Variants in CLASP1 observed in about 807,000 individuals in gnomAD.
CLASP1 encodes the protein CLIP-associating protein 1.
Under a neutral mutation model 192.3 loss-of-function variants are expected in CLASP1, and 38 were observed. The ratio of observed to expected loss-of-function variants is 0.20; its 90% CI spans 0.15 to 0.26. CLASP1 has a LOEUF of 0.26. CLASP1 is among the 10% of genes least tolerant of loss of function. CLASP1 has a pLI of 1.00. For synonymous variants in CLASP1, 691 were observed against 712.8 expected, an observed-to-expected ratio of 0.97 and a Z score of 0.49; for missense variants, 1,433 against 1,932.5, an observed-to-expected ratio of 0.74 and a Z score of 4.85.
intron 2 of CLASP1, chr2:121,532,596 C>G (rs1241365008): frequency 1.3e-5 from 2 of 152,178 alleles, no homozygotes; most frequent in African/African-American, 4.8e-5. Context: ...AACACCTGAC[C>G]AGTACCCCTC....
intron 1 of CLASP1, among the ~76,000 whole-genome samples, chr2:121,629,368 T>A (rs1389446979): frequency 2.6e-5 from 4 of 151,034 alleles, no homozygotes; most frequent in Admixed American, 6.6e-5. Context: ...CCAGCCTGGG[T>A]GATAAAGCGA....
chr2:121,648,722 T>C (rs1366936874), intron 1 of CLASP1, among the ~76,000 whole-genome samples: 1 of 152,128 alleles, frequency 6.6e-6, no homozygotes, highest in Non-Finnish European at 1.5e-5. Flanking sequence ...AGTTGAGAAG[T>C]CTGCACAGGC....
chr2:121,447,395 C>T (rs199977966), exon 19 of CLASP1: 14 of 1,580,364 alleles, frequency 8.9e-6, no homozygotes, highest in South Asian at 7.0e-5. Context: ...GCGTCGTGCC[C>T]GAAGATGAGG....
chr2:121,635,698 G>C (rs62151107), intron 1 of CLASP1, among the ~76,000 whole-genome samples: 18,650 of 152,164 alleles, frequency 0.12, 1,473 homozygotes, highest in Middle Eastern at 0.26. Flanking sequence ...TTAACTTCTG[G>C]AATTTCTGGA....
chr2:121,425,275 C>A lies in CLASP1; in HGVS notation c.2076G>T (p.Leu692Phe), dbSNP rs1199850610. 6.2e-7 allele frequency: 1 copy of A among 1,612,418 alleles called. No homozygotes were observed. Among genetic ancestry groups the A allele is most frequent in the African/African-American group, 1.3e-5 (1 of 74,948 alleles). The change falls in exon 22 of 40, where the codon TTG (leucine) becomes TTT (phenylalanine). Residue 692 changes from leucine to phenylalanine, a missense_variant. Physicochemically the swap from Leu to Phe is conservative, Grantham distance 22. Coordinates refer to ENST00000263710, the Ensembl canonical transcript of CLASP1. Reference sequence around the variant, plus strand: ...TAAGTCCACCATAACCACTTCCCAACAATTTTCCTGGGGAACTTGACCGGC... The same window carrying A: ...TAAGTCCACCATAACCACTTCCCAAAAATTTTCCTGGGGAACTTGACCGGC...
chr2:121,371,902 T>C (rs931252316), intron 34 of CLASP1, among the ~76,000 whole-genome samples: 14 of 152,214 alleles, frequency 9.2e-5, no homozygotes, highest in Admixed American at 2.6e-4. Context: ...CTCTCCAGTT[T>C]GTTCCTCAAC....
intron 32 of CLASP1, among the ~76,000 whole-genome samples, chr2:121,382,737 A>G (rs1223780544): frequency 6.6e-6 from 1 of 152,184 alleles, no homozygotes; most frequent in Non-Finnish European, 1.5e-5. Context: ...AGAACCAAAG[A>G]AGAATCATGG....
At chr2:121,488,938 A>T (rs1357528156) in intron 8 of CLASP1, among the ~76,000 whole-genome samples, 1 of 152,226 alleles carries the variant, frequency 6.6e-6, no homozygotes, top group Admixed American at 6.5e-5. Context: ...TATCAAGTGA[A>T]AGAATCGTCT....
chr2:121,452,406 A>T (rs2085672552), intron 14 of CLASP1, among the ~76,000 whole-genome samples: 1 of 152,124 alleles, frequency 6.6e-6, no homozygotes, highest in Admixed American at 6.5e-5. Context: ...CTTCTATTTA[A>T]GCCTTTTCAC....
intron 8 of CLASP1, among the ~76,000 whole-genome samples, chr2:121,471,248 T>C (rs1466338586): frequency 3.3e-5 from 5 of 152,110 alleles, no homozygotes; most frequent in African/African-American, 1.2e-4. Flanking sequence ...CTCCACTACA[T>C]TCCAGCCTGG....
chr2:121,434,386 C>T (rs763213854), intron 19 of CLASP1, among the ~76,000 whole-genome samples: 45 of 152,142 alleles, frequency 3.0e-4, no homozygotes, highest in Middle Eastern at 3.4e-3. Context: ...CTTCTAGTAG[C>T]TGGGAGCAGC....
chr2:121,644,895 T>C (rs576794129), intron 1 of CLASP1, among the ~76,000 whole-genome samples: 3 of 150,272 alleles, frequency 2.0e-5, no homozygotes, highest in South Asian at 4.2e-4. Flanking sequence ...AAGGTCAAGG[T>C]TGCAGTGAGC....
At chr2:121,571,472 GAC>G (rs1413666724) in intron 2 of CLASP1, among the ~76,000 whole-genome samples, 9 of 152,262 alleles carry the variant, frequency 5.9e-5, no homozygotes, top group African/African-American at 1.9e-4. Context: ...AACGGGTTCA[GAC>G]ACACAAAGAA....
At chr2:121,611,328 A>C (rs1192740460) in intron 1 of CLASP1, among the ~76,000 whole-genome samples, 1 of 54,692 alleles carries the variant, frequency 1.8e-5, no homozygotes, top group African/African-American at 7.4e-5. Flanking sequence ...TGGAGGAGGA[A>C]GAGGAGTTAC....
intron 8 of CLASP1, among the ~76,000 whole-genome samples, chr2:121,497,920 C>A (rs1030741164): frequency 6.6e-6 from 1 of 152,020 alleles, no homozygotes; most frequent in East Asian, 1.9e-4. Context: ...AGAGATGGGG[C>A]TTCACCATGT....
chr2:121,364,176 ATC>A (rs2066947429), intron 36 of CLASP1: 3 of 152,346 alleles, frequency 2.0e-5, no homozygotes, highest in Admixed American at 2.0e-4. Flanking sequence ...TCAGAAAGCT[ATC>A]TGAGTCACCA....
chr2:121,397,456 C>T (rs114026882), intron 29 of CLASP1, among the ~76,000 whole-genome samples, 173 bp from the exon 31 acceptor site: 2,032 of 152,268 alleles, frequency 0.013, 32 homozygotes, highest in Non-Finnish European at 0.021. Context: ...CATGAAATGG[C>T]TGATGGGTAA....
intron 29 of CLASP1, among the ~76,000 whole-genome samples, chr2:121,397,502 C>A (rs2149440217): frequency 6.6e-6 from 1 of 152,232 alleles, no homozygotes; most frequent in South Asian, 2.1e-4. Context: ...GCTCAGTTTT[C>A]TTCATTTTTA....
chr2:121,438,120 T>C (rs531362704), intron 19 of CLASP1, among the ~76,000 whole-genome samples: 1 of 152,378 alleles, frequency 6.6e-6, no homozygotes, highest in African/African-American at 2.4e-5. Flanking sequence ...CTTATTTCAC[T>C]GATTTCCATC....
Sources: gnomAD v4.1 joint callset for allele counts (sites outside exome capture counted in the v4.1 genomes callset) on GRCh38, gnomAD v4.1.1 for gene constraint, MANE v1.5 for transcripts, NCBI Gene and HGNC (gene_info 2026-07-23, HGNC 2026-07-21) for gene names.